Variants in GABRB3 observed in about 807,000 individuals in gnomAD.
GABRB3 encodes the protein gamma-aminobutyric acid receptor subunit beta-3.
In GABRB3, 14 loss-of-function variants were observed where a neutral mutation model predicts 52.1. The ratio of observed to expected loss-of-function variants is 0.27; its 90% CI spans 0.18 to 0.42. The LOEUF (loss-of-function observed/expected upper bound fraction) is 0.42, where lower values mean the gene tolerates loss of function less well. Ranked by LOEUF, GABRB3 falls within the 10% of genes least tolerant of loss-of-function variation. GABRB3 has a pLI of 1.00. For missense variants in GABRB3, 307 were observed against 609.1 expected, an observed-to-expected ratio of 0.50 and a Z score of 5.22; for synonymous variants, 260 against 232.3, an observed-to-expected ratio of 1.12 and a Z score of -1.08.
intron 4 of GABRB3, chr15:26,615,733 G>A: frequency 4.5e-6 from 5 of 1,103,232 alleles, no homozygotes; most frequent in Non-Finnish European, 5.6e-6. Context: ...GGCTGGGCAT[G>A]AATAACAAAA....
At chr15:26,645,968 TC>T in intron 3 of GABRB3, among the ~76,000 whole-genome samples, 1 of 150,306 alleles carries the variant, frequency 6.7e-6, no homozygotes, top group South Asian at 2.1e-4. Flanking sequence ...ATTTTTGCAA[TC>T]CAAAAAAAAA....
intron 4 of GABRB3, among the ~76,000 whole-genome samples, chr15:26,584,628 C>CA (rs1263261653): frequency 6.6e-6 from 1 of 152,160 alleles, no homozygotes; most frequent in African/African-American, 2.4e-5. Context: ...AAGGCTCCAC[C>CA]ATGCAATGGT....
chr15:26,554,821 A>C (rs1889692717), intron 8 of GABRB3, among the ~76,000 whole-genome samples: 1 of 152,202 alleles, frequency 6.6e-6, no homozygotes, highest in Non-Finnish European at 1.5e-5. Flanking sequence ...AACAGAAATA[A>C]AACCAACTGC....
At chr15:26,729,928 T>C (rs1889865113) in intron 3 of GABRB3, among the ~76,000 whole-genome samples, 5 of 152,182 alleles carry the variant, frequency 3.3e-5, no homozygotes, top group Admixed American at 3.3e-4. Flanking sequence ...CTTCATTCTA[T>C]TCCCTGATGT....
chr15:26,770,345 T>C (rs1891112185), intron 3 of GABRB3, among the ~76,000 whole-genome samples: 1 of 152,230 alleles, frequency 6.6e-6, no homozygotes, highest in Admixed American at 6.5e-5. Flanking sequence ...ACAAGTATAT[T>C]TTGGCATGCT....
At chr15:26,696,991 T>A (rs970327250) in intron 3 of GABRB3, among the ~76,000 whole-genome samples, 1 of 152,200 alleles carries the variant, frequency 6.6e-6, no homozygotes, top group African/African-American at 2.4e-5. Context: ...GGAATTTTTT[T>A]AAAAGAAATG....
At chr15:26,612,456 G>T (rs1056527911) in intron 4 of GABRB3, 2 of 152,108 alleles carry the variant, frequency 1.3e-5, no homozygotes, top group African/African-American at 4.8e-5. Context: ...CCACATACCG[G>T]GGAAAGCCAG....
At chr15:26,658,262 A>T (rs115947583) in intron 3 of GABRB3, among the ~76,000 whole-genome samples, 1 of 151,932 alleles carries the variant, frequency 6.6e-6, no homozygotes, top group African/African-American at 2.4e-5. Flanking sequence ...AACTATCTCT[A>T]AAAAAAACCC....
chr15:26,563,962 C>T (rs879514485), intron 7 of GABRB3, among the ~76,000 whole-genome samples: 1 of 152,104 alleles, frequency 6.6e-6, no homozygotes, highest in Non-Finnish European at 1.5e-5. Context: ...TATTTTGTTT[C>T]TCCTCCTCAT....
chr15:26,758,218 T>C (rs1161594680), intron 3 of GABRB3, among the ~76,000 whole-genome samples: 1 of 152,208 alleles, frequency 6.6e-6, no homozygotes, highest in Non-Finnish European at 1.5e-5. Context: ...TTCCTATTAA[T>C]ATGGCAGCAT....
chr15:26,767,131 G>A (rs1891018982), intron 3 of GABRB3: 1 of 152,086 alleles, frequency 6.6e-6, no homozygotes, highest in Non-Finnish European at 1.5e-5. Context: ...GAAAAGTAAT[G>A]TGCTCAATAA....
At chr15:26,623,016 T>C (rs1310673805) in intron 3 of GABRB3, among the ~76,000 whole-genome samples, 1 of 152,108 alleles carries the variant, frequency 6.6e-6, no homozygotes, top group African/African-American at 2.4e-5. Flanking sequence ...TCCCAGACAC[T>C]TTTGTGGGCA....
intron 3 of GABRB3, among the ~76,000 whole-genome samples, chr15:26,671,170 C>T (rs1887887639): frequency 6.6e-6 from 1 of 152,126 alleles, no homozygotes; most frequent in Non-Finnish European, 1.5e-5. Flanking sequence ...CTTTTATTTC[C>T]AAAAATGTCC....
intron 3 of GABRB3, among the ~76,000 whole-genome samples, chr15:26,732,771 G>A (rs897479804): frequency 2.0e-5 from 3 of 152,138 alleles, no homozygotes; most frequent in East Asian, 1.9e-4. Flanking sequence ...CAGGTGGATC[G>A]CGAGGTCAGG....
At chr15:26,770,407 G>T (rs971700113) in intron 3 of GABRB3, among the ~76,000 whole-genome samples, 1 of 152,170 alleles carries the variant, frequency 6.6e-6, no homozygotes, top group African/African-American at 2.4e-5. Context: ...TCAATACAAT[G>T]GCCTGTATCT....
intron 7 of GABRB3, among the ~76,000 whole-genome samples, chr15:26,565,135 A>G (rs1038499286): frequency 3.8e-4 from 57 of 152,000 alleles, no homozygotes; most frequent in African/African-American, 1.4e-3. Flanking sequence ...ACTATGTGAT[A>G]ATTTTCAGCC....
At chr15:26,665,789 T>C (rs1041078302) in intron 3 of GABRB3, among the ~76,000 whole-genome samples, 4 of 152,214 alleles carry the variant, frequency 2.6e-5, no homozygotes, top group Admixed American at 1.3e-4. Context: ...GTTGTTTTTC[T>C]TTTCTTTTAA....
chr15:26,606,789 TATAGATAGATATATCTATAG>T lies in GABRB3; in HGVS notation c.461+14505_461+14524del, dbSNP rs1179006279. 1.3e-3 allele frequency among the ~76,000 whole-genome samples: 158 copies of T among 122,868 alleles called. 4 individuals are homozygous for T. Among genetic ancestry groups the T allele is most frequent in the Non-Finnish European group, 1.9e-3 (109 of 58,332 alleles). 80.6% of individuals were successfully genotyped at this position (122,868 alleles called of 152,430 possible). On this transcript the variant is annotated intron_variant, in intron 4 of 8. Coordinates refer to ENST00000311550, the MANE Select transcript of GABRB3 (RefSeq NM_000814.6). ...CTATCTATAGATAGATAGATATATC[TATAGATAGATATATCTATAG>T]ATAGATAGATAGATAGATAGATAGA...
chr15:26,550,143 T>G (rs1889404468), intron 8 of GABRB3: 1 of 152,150 alleles, frequency 6.6e-6, no homozygotes, highest in Admixed American at 6.5e-5. Flanking sequence ...GTAGAGAACT[T>G]TCTCCAACAG....
Sources: gnomAD v4.1 joint callset for allele counts (sites outside exome capture counted in the v4.1 genomes callset) on GRCh38, gnomAD v4.1.1 for gene constraint, MANE v1.5 for transcripts, NCBI Gene and HGNC (gene_info 2026-07-23, HGNC 2026-07-21) for gene names.